Variants in GPC5 observed in about 807,000 individuals in gnomAD.
GPC5 encodes the protein glypican 5, also known as glypican-5.
In GPC5, 47 loss-of-function variants were observed where a neutral mutation model predicts 53.9. The observed-to-expected ratio is 0.87, with a 90% CI of 0.69 to 1.11. The LOEUF (loss-of-function observed/expected upper bound fraction) is 1.11. Ranked by LOEUF, GPC5 falls within the 50% of genes most tolerant of loss-of-function variation. GPC5 has a pLI of 0.00. For synonymous variants in GPC5, 286 were observed against 263.3 expected, an observed-to-expected ratio of 1.09 and a Z score of -0.84; for missense variants, 748 against 713.1, an observed-to-expected ratio of 1.05 and a Z score of -0.56.
At chr13:91,694,372 A>G (rs1353864165) in intron 3 of GPC5, among the ~76,000 whole-genome samples, 1 of 152,216 alleles carries the variant, frequency 6.6e-6, no homozygotes, top group Non-Finnish European at 1.5e-5. Flanking sequence ...TGCCAGTTAT[A>G]TATCCCTGAA....
At chr13:92,320,115 T>A (rs1322714267) in intron 7 of GPC5, among the ~76,000 whole-genome samples, 2 of 152,140 alleles carry the variant, frequency 1.3e-5, no homozygotes, top group Admixed American at 6.6e-5. Flanking sequence ...AAAAAATGAA[T>A]GCAGGATATT....
chr13:91,862,288 A>G (rs1371723449), intron 5 of GPC5, among the ~76,000 whole-genome samples: 1 of 152,188 alleles, frequency 6.6e-6, no homozygotes, highest in Non-Finnish European at 1.5e-5. Context: ...AGATATTTTA[A>G]CAATATATAG....
intron 5 of GPC5, among the ~76,000 whole-genome samples, chr13:91,808,811 G>A (rs1212688049): frequency 6.6e-6 from 1 of 152,086 alleles, no homozygotes; most frequent in Non-Finnish European, 1.5e-5. Flanking sequence ...AAGCATTTAT[G>A]GGAATAGGAC....
At chr13:91,892,119 T>G (rs2039393037) in intron 5 of GPC5, among the ~76,000 whole-genome samples, 1 of 152,018 alleles carries the variant, frequency 6.6e-6, no homozygotes, top group African/African-American at 2.4e-5. Context: ...AATATAGCTA[T>G]AAACAAGAGT....
At chr13:91,896,117 ATTTT>A (rs1185370619) in intron 5 of GPC5, among the ~76,000 whole-genome samples, 3 of 128,002 alleles carry the variant, frequency 2.3e-5, no homozygotes, top group Admixed American at 7.8e-5. Flanking sequence ...ATTTTTTCTA[ATTTT>A]TTTTTTTTTT....
chr13:92,559,484 G>A (rs1882622656), intron 7 of GPC5, among the ~76,000 whole-genome samples: 1 of 151,674 alleles, frequency 6.6e-6, no homozygotes, highest in Non-Finnish European at 1.5e-5. Context: ...CTTAGAGGTA[G>A]AAGAGCCTAG....
Position 91,651,738 on chromosome 13 carries a change from T to A in GPC5, c.326-41449T>A, listed in dbSNP as rs531934050. ...AGTCTCAAAAAAAAAAAAAAAAGAT[T>A]TATAAAGATAAATGTTCTATATTAA... On this transcript the variant is annotated intron_variant, in intron 2 of 7. Transcript: ENST00000377067. Among the ~76,000 whole-genome samples the A allele has an allele frequency of 8.9e-5, 13 of 146,814 alleles. No individual in the cohort carries two copies. The East Asian group carries it at 2.6e-3, about 30-fold the overall frequency.
chr13:92,371,023 C>T (rs1464102071), intron 7 of GPC5, among the ~76,000 whole-genome samples: 1 of 152,056 alleles, frequency 6.6e-6, no homozygotes, highest in African/African-American at 2.4e-5. Context: ...GTGTTAGGTG[C>T]CTGCAGTCAC....
At chr13:92,208,966 T>C (rs1331000) in intron 7 of GPC5, among the ~76,000 whole-genome samples, 4,664 of 152,300 alleles carry the variant, frequency 0.031, 241 homozygotes, top group African/African-American at 0.11. Flanking sequence ...TCATAAAATA[T>C]AGCTTAGAGT....
intron 7 of GPC5, among the ~76,000 whole-genome samples, chr13:92,776,539 T>G (rs1566413519): frequency 6.6e-6 from 1 of 152,178 alleles, no homozygotes; most frequent in Admixed American, 6.5e-5. Flanking sequence ...GTAAATCTCT[T>G]TGGCAGGGCC....
intron 7 of GPC5, among the ~76,000 whole-genome samples, chr13:92,161,531 G>A (rs2041988037): frequency 6.6e-6 from 1 of 152,222 alleles, no homozygotes; most frequent in Middle Eastern, 3.4e-3. Context: ...ATAAGTATGT[G>A]TATATTCAAA....
intron 7 of GPC5, among the ~76,000 whole-genome samples, chr13:92,792,224 C>A (rs554468822): frequency 6.6e-6 from 1 of 152,166 alleles, no homozygotes; most frequent in African/African-American, 2.4e-5. Context: ...GGCAGAAACC[C>A]TACAAGCCAG....
chr13:91,847,593 C>T (rs2038866566), intron 5 of GPC5, among the ~76,000 whole-genome samples: 1 of 152,002 alleles, frequency 6.6e-6, no homozygotes, highest in African/African-American at 2.4e-5. Flanking sequence ...AAATTTCTAA[C>T]CTAAGAATAA....
In GPC5 at chr13:91,728,612, T is replaced by G. The variant is rs1206680723; in HGVS notation, c.1101T>G (p.His367Gln). Reference protein sequence around the residue: ...RCSFDQSKEKHGMKTTTRNSE... With the variant: ...RCSFDQSKEKQGMKTTTRNSE... ...CTTTTGATCAGAGCAAAGAGAAGCATGGAATGAAGACCACCACAAGGAACA... is the reference window on the plus strand; with the variant it reads ...CTTTTGATCAGAGCAAAGAGAAGCAGGGAATGAAGACCACCACAAGGAACA... The change falls in exon 4 of 8, where the codon CAT (histidine) becomes CAG (glutamine). Residue 367 changes from histidine to glutamine, a missense_variant. His to Gln is a conservative substitution (Grantham distance 24). Transcript: ENST00000377067. The G allele has an allele frequency of 6.2e-7, 1 of 1,613,374 alleles. No homozygotes were observed. Among genetic ancestry groups the G allele is most frequent in the South Asian group, 1.1e-5 (1 of 91,044 alleles).
chr13:92,768,836 A>C (rs945520184), intron 7 of GPC5, among the ~76,000 whole-genome samples: 1 of 151,482 alleles, frequency 6.6e-6, no homozygotes, highest in Admixed American at 6.6e-5. Flanking sequence ...TTTATCTACT[A>C]TCTTCTCCCT....
At chr13:92,177,554 G>A (rs1039159145) in intron 7 of GPC5, among the ~76,000 whole-genome samples, 29 of 152,050 alleles carry the variant, frequency 1.9e-4, no homozygotes, top group African/African-American at 7.0e-4. Context: ...TAACAGAATA[G>A]CCACTAGTAT....
At chr13:92,860,963 T>C (rs1473618166) in intron 7 of GPC5, among the ~76,000 whole-genome samples, 1 of 151,936 alleles carries the variant, frequency 6.6e-6, no homozygotes, top group Non-Finnish European at 1.5e-5. Context: ...GCTTGCTAGG[T>C]CAATACAGAA....
intron 7 of GPC5, among the ~76,000 whole-genome samples, chr13:92,236,364 A>G (rs2042569602): frequency 6.6e-6 from 1 of 152,128 alleles, no homozygotes; most frequent in Non-Finnish European, 1.5e-5. Context: ...ATCATATCAT[A>G]GCAAATGATG....
chr13:92,683,582 ATAAT>A (rs1887168813), intron 7 of GPC5, among the ~76,000 whole-genome samples: 1 of 152,208 alleles, frequency 6.6e-6, no homozygotes, highest in Non-Finnish European at 1.5e-5. Flanking sequence ...AGTGTTATAA[ATAAT>A]TCATATATGA....
Sources: gnomAD v4.1 joint callset for allele counts (sites outside exome capture counted in the v4.1 genomes callset) on GRCh38, gnomAD v4.1.1 for gene constraint, MANE v1.5 for transcripts, NCBI Gene and HGNC (gene_info 2026-07-23, HGNC 2026-07-21) for gene names.